The following DCTN4 variants were observed in gnomAD, a reference collection of about 807,000 sequenced individuals.
DCTN4 encodes the protein dynactin subunit 4, also known as dynactin 4 (p62).
Under a neutral mutation model 62.7 loss-of-function variants are expected in DCTN4, and 23 were observed. The ratio of observed to expected loss-of-function variants is 0.37; its 90% CI spans 0.26 to 0.52. The LOEUF is 0.52. DCTN4 is among the 20% of genes least tolerant of loss of function. The probability of loss-of-function intolerance (pLI) is 0.92; values close to 1 mark genes in which losing one functional copy is unlikely to be tolerated. For missense variants in DCTN4, 514 were observed against 580.4 expected (o/e 0.89, Z 1.18); for synonymous variants, 199 against 202.1 (o/e 0.98, Z 0.13).
intron 12 of DCTN4, among the ~76,000 whole-genome samples, chr5:150,713,435 C>T: frequency 6.7e-6 from 1 of 148,992 alleles, no homozygotes; most frequent in East Asian, 2.0e-4. Context: ...CTTTATTTTT[C>T]TTTTCTTTTC....
intron 11 of DCTN4, among the ~76,000 whole-genome samples, chr5:150,716,103 A>G (rs1295154846): frequency 6.6e-6 from 1 of 152,038 alleles, no homozygotes; most frequent in East Asian, 1.9e-4. Flanking sequence ...ACGGGGTTTC[A>G]CCATATTGGC....
chr5:150,730,982 T>C (rs1760340239), intron 7 of DCTN4, 62 bp downstream of exon 7: 1 of 1,068,538 alleles, frequency 9.4e-7, no homozygotes. Context: ...ACTAGGTACA[T>C]AAATAACAAA....
chr5:150,744,650 A>G (rs1211594641), intron 3 of DCTN4, among the ~76,000 whole-genome samples: 1 of 151,688 alleles, frequency 6.6e-6, no homozygotes, highest in African/African-American at 2.4e-5. Context: ...ATTCTTAAAG[A>G]CAAGAATTTT....
At chr5:150,753,413 T>C in intron 3 of DCTN4, 66 bp downstream of exon 3, 1 of 1,444,248 alleles carries the variant, frequency 6.9e-7, no homozygotes, top group Non-Finnish European at 9.6e-7. Flanking sequence ...ACAGAAATAA[T>C]AATCTATGGG....
At position 150,756,366 on chromosome 5, in the gene DCTN4, GAGAACAGTCA is replaced by G. The variant is rs201142709; in HGVS notation, c.206+41_206+50del. 3.0e-3 allele frequency: 3,975 copies of G among 1,346,710 alleles called. 74 individuals are homozygous for G. In the African/African-American group the frequency reaches 0.04, roughly 14 times the overall value. 83.4% of individuals were successfully genotyped at this position (1,346,710 alleles called of 1,614,324 possible). ...TGTGTCTTTTTAACTAGCTATTTTA[GAGAACAGTCA>G]AGGAAAATAGGAAGAAAAAAAAAAT... is the stretch of plus-strand genomic sequence containing the variant. On this transcript the variant is annotated intron_variant, in intron 2 of 12. Transcript: ENST00000447998.
At chr5:150,745,044 C>G (rs994700071) in intron 3 of DCTN4, among the ~76,000 whole-genome samples, 52 of 150,538 alleles carry the variant, frequency 3.5e-4, no homozygotes, top group African/African-American at 1.2e-3. Context: ...TTCAGGAAAC[C>G]CATCTCACAT....
At chr5:150,747,243 G>T (rs2113125732) in intron 3 of DCTN4, among the ~76,000 whole-genome samples, 1 of 152,306 alleles carries the variant, frequency 6.6e-6, no homozygotes, top group African/African-American at 2.4e-5. Context: ...GGACGTGAAG[G>T]ACCTCTTCGA....
chr5:150,758,165 A>G (rs1320953152), intron 1 of DCTN4: 1 of 985,612 alleles, frequency 1.0e-6, no homozygotes, highest in East Asian at 1.1e-4. Context: ...CAAGCGCTGC[A>G]GAAGTTTTGG....
At chr5:150,715,737 T>C in intron 11 of DCTN4, 75 bp from the exon 12 acceptor site, 1 of 1,179,238 alleles carries the variant, frequency 8.5e-7, no homozygotes, top group Non-Finnish European at 1.3e-6. Flanking sequence ...GACATTGATT[T>C]AGACAAATGG....
rs761072707 is a variant in DCTN4 at position 150,731,423 on chromosome 5, C to G, written c.604G>C (p.Gly202Arg). The G allele has an allele frequency of 1.9e-6, 3 of 1,613,506 alleles. No homozygotes were observed. In the East Asian group the frequency reaches 6.7e-5, roughly 36 times the overall value. Residue 202 changes from glycine to arginine, a missense_variant, in exon 6 of 13, where the codon GGA becomes CGA. Physicochemically the swap from Gly to Arg is moderately radical, Grantham distance 125. Transcript: ENST00000447998. ...RAGASISTLAGLSLKEGEDQK... is the reference protein window; with the variant it reads ...RAGASISTLARLSLKEGEDQK... ...TTTCATGTCTAAACTTACGAAAGTC[C>G]GGCAAGGGTACTGATGGATGCACCA...
intron 1 of DCTN4, chr5:150,758,586 C>A: frequency 8.4e-7 from 1 of 1,190,502 alleles, no homozygotes. Context: ...ACCCAATTAC[C>A]AAGCCCCATC....
rs1759515007 is a variant in DCTN4, at chr5:150,710,370, T to A, written c.*779A>T. 6.6e-6 allele frequency: 1 copy of A among 152,304 alleles called. No homozygotes were observed. Among genetic ancestry groups the A allele is most frequent in the Non-Finnish European group, 1.5e-5 (1 of 68,030 alleles). 9.4% of individuals were successfully genotyped at this position (152,304 alleles called of 1,614,324 possible). ...GATTGCCCCCCTGTGGCAGCATTAA[T>A]CCCTGGGTATTGTGGCAATATTGAA... On this transcript the variant is annotated 3_prime_UTR_variant, in exon 13 of 13. Transcript: ENST00000447998.
chr5:150,753,763 C>G lies in DCTN4; in HGVS notation c.207-106G>C, dbSNP rs1160217579. ...TCTCTCAAGAAAAAACAGTAACATTCTGCAGGCCTCTTACCAACTTTGCTT... is the reference window on the plus strand; with the variant it reads ...TCTCTCAAGAAAAAACAGTAACATTGTGCAGGCCTCTTACCAACTTTGCTT... On this transcript the variant is annotated intron_variant, in intron 2 of 12. Coordinates refer to ENST00000447998, the MANE Select transcript of DCTN4 (RefSeq NM_016221.4). The G allele has an allele frequency of 1.7e-5, 20 of 1,144,424 alleles. No individual in the cohort carries two copies. The South Asian group carries it at 2.3e-4, about 13-fold the overall frequency. The allele number at this position is 1,144,424 out of a possible 1,614,324, so 70.9% of individuals were successfully genotyped here.
intron 4 of DCTN4, chr5:150,734,202 A>G (rs1760491576): frequency 6.6e-6 from 1 of 152,192 alleles, no homozygotes; most frequent in Non-Finnish European, 1.5e-5. Flanking sequence ...TATTCCAAGA[A>G]CTACTGCAGG....
At chr5:150,720,348 G>A (rs1363994893) in intron 9 of DCTN4, among the ~76,000 whole-genome samples, 1 of 151,936 alleles carries the variant, frequency 6.6e-6, no homozygotes, top group Non-Finnish European at 1.5e-5. Context: ...AGGAATTTAA[G>A]AAACTTTTGT....
intron 8 of DCTN4, among the ~76,000 whole-genome samples, chr5:150,726,119 T>C (rs746913086): frequency 6.6e-6 from 1 of 152,184 alleles, no homozygotes; most frequent in Non-Finnish European, 1.5e-5. Context: ...GCAGGGCTTC[T>C]AAATATAAGG....
Position 150,718,477 on chromosome 5 carries a change from T to C in DCTN4, c.964-94A>G, listed in dbSNP as rs557176615. On this transcript the variant is annotated intron_variant, in intron 10 of 12. Transcript: ENST00000447998. ...AAATTACCATCCCCGCCATTACTCC[T>C]GGGCAATGACGCCCTACTTATACCT... 7.8e-6 allele frequency: 6 copies of C among 770,944 alleles called. No individual in the cohort carries two copies. In the African/African-American group the frequency reaches 1.0e-4, roughly 13 times the overall value. 47.8% of individuals were successfully genotyped at this position (770,944 alleles called of 1,614,324 possible).
At chr5:150,718,844 G>A (rs1759863496) in intron 10 of DCTN4, among the ~76,000 whole-genome samples, 1 of 151,982 alleles carries the variant, frequency 6.6e-6, no homozygotes. Flanking sequence ...TTCGAGACAA[G>A]GTCTCACTCT....
At chr5:150,742,229 G>C in intron 3 of DCTN4, 72 bp from the exon 4 acceptor site, 1 of 1,463,914 alleles carries the variant, frequency 6.8e-7, no homozygotes, top group Admixed American at 1.7e-5. Context: ...CAAGTCTTCT[G>C]TAGGCCATAA....
Sources: gnomAD v4.1 joint callset for allele counts (sites outside exome capture counted in the v4.1 genomes callset) on GRCh38, gnomAD v4.1.1 for gene constraint, MANE v1.5 for transcripts, NCBI Gene and HGNC (gene_info 2026-07-23, HGNC 2026-07-21) for gene names.